IL1RAPL2: variants seen among roughly 807,000 people sequenced by gnomAD.
The protein encoded by IL1RAPL2 is X-linked interleukin-1 receptor accessory protein-like 2.
A neutral mutation model predicts 44.1 loss-of-function variants in IL1RAPL2; 3 were observed. The observed-to-expected ratio is 0.07, with a 90% CI of 0.03 to 0.18. IL1RAPL2 has a LOEUF of 0.18. Ranked by LOEUF, IL1RAPL2 falls within the 10% of genes least tolerant of loss-of-function variation. The pLI, the probability that IL1RAPL2 is intolerant of heterozygous loss-of-function variation, is 1.00. For missense variants in IL1RAPL2, 391 were observed against 496.4 expected (o/e 0.79, Z 2.02); for synonymous variants, 181 against 178.8 (o/e 1.01, Z -0.10).
chrX:105,667,587 C>T (rs976329608), intron 6 of IL1RAPL2, among the ~76,000 whole-genome samples: 2 of 111,522 alleles, frequency 1.8e-5, no homozygotes, highest in African/African-American at 6.5e-5. Context: ...ATTCCACATC[C>T]AAGTAGAATT....
chrX:105,190,550 T>A (rs2033624545), intron 2 of IL1RAPL2, among the ~76,000 whole-genome samples: 1 of 112,320 alleles, frequency 8.9e-6, no homozygotes, highest in African/African-American at 3.2e-5. Flanking sequence ...GTTTAACAAA[T>A]GAATTTGTTA....
At chrX:105,193,174 A>G (rs1483475374) in intron 2 of IL1RAPL2, among the ~76,000 whole-genome samples, 1 of 111,850 alleles carries the variant, frequency 8.9e-6, no homozygotes, top group Non-Finnish European at 1.9e-5. Context: ...AGAAGAGATA[A>G]CTAAAGAGAT....
Position 104,921,996 on chromosome X carries a change from C to G in IL1RAPL2, c.82+263001C>G, listed in dbSNP as rs748655843. ...GCACAGGAGAGGCGCCGCCACCCCC[C>G]ACTGGAGGGTTGTCCCAGTAGCCCG... On this transcript the variant is annotated intron_variant, in intron 2 of 10. Coordinates refer to ENST00000372582, the MANE Select transcript of IL1RAPL2 (RefSeq NM_017416.2). Among the ~76,000 whole-genome samples, 3 of 112,290 alleles carry G rather than the reference C, an allele frequency of 2.7e-5. No homozygotes were observed. The South Asian group carries it at 1.1e-3, about 42-fold the overall frequency.
chrX:105,177,658 G>A (rs1290341999), intron 2 of IL1RAPL2, among the ~76,000 whole-genome samples: 1 of 110,958 alleles, frequency 9.0e-6, no homozygotes. Flanking sequence ...ACAAATTTGT[G>A]TGACAAATAA....
chrX:104,901,585 A>G (rs1923820475), intron 2 of IL1RAPL2, among the ~76,000 whole-genome samples: 1 of 110,564 alleles, frequency 9.0e-6, no homozygotes, highest in African/African-American at 3.3e-5. Context: ...GCAGGGCTCT[A>G]TCAGCACCAG....
chrX:105,574,284 G>T (rs1175909864), intron 6 of IL1RAPL2, among the ~76,000 whole-genome samples: 2 of 111,594 alleles, frequency 1.8e-5, no homozygotes, highest in African/African-American at 6.5e-5. Flanking sequence ...GTACTAGTTA[G>T]AGGAACTCTT....
chrX:105,100,186 G>A (rs1272945000), intron 2 of IL1RAPL2, among the ~76,000 whole-genome samples: 1 of 111,605 alleles, frequency 9.0e-6, no homozygotes, highest in Non-Finnish European at 1.9e-5. Flanking sequence ...GTATGTAGAC[G>A]AAAAACATAG....
intron 2 of IL1RAPL2, among the ~76,000 whole-genome samples, chrX:105,148,998 A>G (rs1433372477): frequency 9.0e-6 from 1 of 111,525 alleles, no homozygotes; most frequent in African/African-American, 3.3e-5. Context: ...GTGAGAAATA[A>G]TTTTCTGTTG....
intron 2 of IL1RAPL2, among the ~76,000 whole-genome samples, chrX:104,888,071 G>A (rs961269400): frequency 1.8e-5 from 2 of 111,533 alleles, no homozygotes; most frequent in Non-Finnish European, 3.8e-5. Flanking sequence ...AATACCACAA[G>A]GAAATTATGG....
At chrX:105,640,021 T>A (rs190909771) in intron 6 of IL1RAPL2, among the ~76,000 whole-genome samples, 1 of 111,253 alleles carries the variant, frequency 9.0e-6, no homozygotes, top group Non-Finnish European at 1.9e-5. Context: ...TCCAAAGATA[T>A]TCTGTGAAAA....
intron 2 of IL1RAPL2, among the ~76,000 whole-genome samples, chrX:104,895,215 T>G (rs1451420492): frequency 8.9e-6 from 1 of 112,447 alleles, no homozygotes; most frequent in Non-Finnish European, 1.9e-5. Flanking sequence ...GCCTCCCAGT[T>G]AGACTACTCG....
intron 1 of IL1RAPL2, among the ~76,000 whole-genome samples, chrX:104,622,013 G>A (rs1929409977): frequency 9.0e-6 from 1 of 111,126 alleles, no homozygotes; most frequent in Admixed American, 9.7e-5. Context: ...TTCACTTGAT[G>A]AAATCATGTC....
At chrX:105,406,897 A>G (rs1184019144) in intron 5 of IL1RAPL2, 2 of 1,145,484 alleles carry the variant, frequency 1.7e-6, no homozygotes, top group Non-Finnish European at 2.4e-6. Context: ...CTGTAACCTC[A>G]GAGGAGCAAC....
chrX:105,168,800 G>C (rs777214330), intron 2 of IL1RAPL2, among the ~76,000 whole-genome samples: 2 of 110,195 alleles, frequency 1.8e-5, no homozygotes, highest in East Asian at 5.7e-4. Flanking sequence ...ACCCACAGTG[G>C]GGAGGTCAAT....
Position 105,646,936 on chromosome X carries a change from G to A in IL1RAPL2, c.773-70431G>A, listed in dbSNP as rs770273197. ...AAAGCTCCCAAGATGGTGGTGGGCC[G>A]CTCCCAAGATGGCGGCAAGCCTTTT... On this transcript the variant is annotated intron_variant, in intron 6 of 10. Transcript: ENST00000372582. Among the ~76,000 whole-genome samples the A allele has an allele frequency of 6.0e-4, 67 of 112,478 alleles. 1 individual carries two copies. The highest frequency in any genetic ancestry group is 2.0e-3 in the African/African-American group (63 of 31,009).
intron 7 of IL1RAPL2, among the ~76,000 whole-genome samples, chrX:105,722,230 G>A (rs1023119882): frequency 9.0e-6 from 1 of 111,560 alleles, no homozygotes; most frequent in African/African-American, 3.3e-5. Flanking sequence ...TCTAAACAAA[G>A]GAAAGGTACA....
intron 2 of IL1RAPL2, among the ~76,000 whole-genome samples, chrX:105,187,401 C>T (rs1289587862): frequency 6.3e-5 from 7 of 110,626 alleles, no homozygotes; most frequent in South Asian, 7.7e-4. Flanking sequence ...TATATTCCAC[C>T]ATGTTGGCTT....
intron 1 of IL1RAPL2, among the ~76,000 whole-genome samples, chrX:104,627,169 C>A (rs1410820201): frequency 9.1e-6 from 1 of 109,428 alleles, no homozygotes; most frequent in Non-Finnish European, 1.9e-5. Flanking sequence ...TTGAGGGAAG[C>A]ATTGGCTTGA....
chrX:105,334,160 A>G (rs1363580966), intron 5 of IL1RAPL2, among the ~76,000 whole-genome samples: 1 of 112,497 alleles, frequency 8.9e-6, no homozygotes, highest in Non-Finnish European at 1.9e-5. Flanking sequence ...TTTAGTACAT[A>G]TACAAAATGG....
Sources: gnomAD v4.1 joint callset for allele counts (sites outside exome capture counted in the v4.1 genomes callset) on GRCh38, gnomAD v4.1.1 for gene constraint, MANE v1.5 for transcripts, NCBI Gene and HGNC (gene_info 2026-07-23, HGNC 2026-07-21) for gene names.